STARD13: variants seen among roughly 807,000 people sequenced by gnomAD.
STARD13 encodes stAR-related lipid transfer protein 13.
Under a neutral mutation model 106.4 loss-of-function variants are expected in STARD13, and 62 were observed. The observed-to-expected ratio is 0.58, with a 90% CI of 0.48 to 0.72. The LOEUF is 0.72. Ranked by LOEUF, STARD13 falls within the 30% of genes least tolerant of loss-of-function variation. The pLI, the probability that STARD13 is intolerant of heterozygous loss-of-function variation, is 0.00. For synonymous variants in STARD13, 565 were observed against 553.0 expected (o/e 1.02, Z -0.31); for missense variants, 1,387 against 1,424.0 (o/e 0.97, Z 0.42).
chr13:33,214,828 C>T (rs923252938), intron 1 of STARD13, among the ~76,000 whole-genome samples: 3 of 152,004 alleles, frequency 2.0e-5, no homozygotes, highest in Non-Finnish European at 2.9e-5. Flanking sequence ...CAAAACACCA[C>T]AGACATTGTG....
chr13:33,374,827 C>G, the STARD13 span, among the ~76,000 whole-genome samples: 1 of 152,032 alleles, frequency 6.6e-6, no homozygotes, highest in Non-Finnish European at 1.5e-5. Flanking sequence ...GTTTGTCAAA[C>G]TTTAGTCTTT....
intron 1 of STARD13, among the ~76,000 whole-genome samples, chr13:33,168,660 C>T (rs77671444): frequency 0.042 from 6,448 of 152,224 alleles, 188 homozygotes; most frequent in South Asian, 0.088. Context: ...TACTATGATG[C>T]TAATTTTTCC....
chr13:33,112,796 G>A lies in STARD13; in HGVS notation c.2417C>T (p.Thr806Met), dbSNP rs1391217095. The A allele has an allele frequency of 6.8e-6, 11 of 1,613,768 alleles. No individual in the cohort carries two copies. The highest frequency in any genetic ancestry group is 1.7e-5 in the Admixed American group (1 of 59,976). Residue 806 changes from threonine (T) to methionine (M), a missense_variant, in exon 9 of 14, where the codon ACG (threonine) becomes ATG (methionine). By Grantham distance (81) the Thr-to-Met change is moderately conservative. Coordinates refer to ENST00000336934, the MANE Select transcript of STARD13 (RefSeq NM_178006.4). ...CAGACACACTGCCAGGTTCATGGGCGTCATCTGATTCTCTTCCACCAAGTT... is the reference window on the plus strand; with the variant it reads ...CAGACACACTGCCAGGTTCATGGGCATCATCTGATTCTCTTCCACCAAGTT... ...VVNLVEENQMTPMNLAVCLAP... is the reference protein window; with the variant it reads ...VVNLVEENQMMPMNLAVCLAP...
chr13:33,274,582 A>G (rs1300144436), intron 1 of STARD13, among the ~76,000 whole-genome samples: 1 of 152,174 alleles, frequency 6.6e-6, no homozygotes, highest in Non-Finnish European at 1.5e-5. Flanking sequence ...TGACGAATGT[A>G]GCACTAGCCT....
chr13:33,126,385 A>C, intron 6 of STARD13, 145 bp from the exon 7 acceptor site: 2 of 792,834 alleles, frequency 2.5e-6, no homozygotes, highest in Non-Finnish European at 4.2e-6. Context: ...TGCATTAATC[A>C]CAGGACACTG....
the STARD13 span, among the ~76,000 whole-genome samples, chr13:33,528,722 T>C: frequency 6.6e-6 from 1 of 152,182 alleles, no homozygotes; most frequent in South Asian, 2.1e-4. Flanking sequence ...TTCCAGTTTT[T>C]CATACTTCCT....
intron 1 of STARD13, among the ~76,000 whole-genome samples, chr13:33,244,522 G>A (rs931810127): frequency 2.0e-5 from 3 of 151,984 alleles, no homozygotes; most frequent in Admixed American, 6.6e-5. Context: ...ATCAAGAAGA[G>A]CCCTCAAATC....
At chr13:33,375,978 A>G in the STARD13 span, among the ~76,000 whole-genome samples, 4 of 152,180 alleles carry the variant, frequency 2.6e-5, no homozygotes, top group Non-Finnish European at 5.9e-5. Flanking sequence ...TTTTGACCAC[A>G]TTACTTAATG....
At chr13:33,179,861 C>T (rs1885056885) in intron 1 of STARD13, among the ~76,000 whole-genome samples, 1 of 152,174 alleles carries the variant, frequency 6.6e-6, no homozygotes, top group Non-Finnish European at 1.5e-5. Flanking sequence ...AGAAGGTTAG[C>T]CACATGGTTC....
the STARD13 span, among the ~76,000 whole-genome samples, chr13:33,371,812 T>G: frequency 1.3e-5 from 2 of 152,240 alleles, no homozygotes; most frequent in Non-Finnish European, 2.9e-5. Context: ...ATTTTTCAAT[T>G]CAAGGTTTTT....
chr13:33,551,753 CA>C, the STARD13 span, among the ~76,000 whole-genome samples: 1 of 151,652 alleles, frequency 6.6e-6, no homozygotes, highest in East Asian at 1.9e-4. Flanking sequence ...TGCCCACCAC[CA>C]TACTGGCTCA....
chr13:33,613,196 T>C, the STARD13 span, among the ~76,000 whole-genome samples: 1 of 152,208 alleles, frequency 6.6e-6, no homozygotes, highest in Admixed American at 6.5e-5. Flanking sequence ...TTTTCACATA[T>C]ATCACAACAC....
intron 1 of STARD13, among the ~76,000 whole-genome samples, chr13:33,271,059 C>T (rs550271633): frequency 5.9e-5 from 9 of 152,290 alleles, no homozygotes; most frequent in South Asian, 4.1e-4. Flanking sequence ...TTGCTTCTGG[C>T]AAAATTTCAC....
chr13:33,194,940 A>G (rs1166179123), intron 1 of STARD13, among the ~76,000 whole-genome samples: 1 of 152,256 alleles, frequency 6.6e-6, no homozygotes, highest in African/African-American at 2.4e-5. Context: ...GTGAACAGCA[A>G]TCTTGCAGTG....
intron 8 of STARD13, chr13:33,113,168 G>C: frequency 1.9e-6 from 1 of 520,650 alleles, no homozygotes; most frequent in Non-Finnish European, 3.4e-6. Context: ...CCACGCTCTC[G>C]ATGGCCAAGC....
intron 1 of STARD13, among the ~76,000 whole-genome samples, chr13:33,204,357 G>T (rs942040286): frequency 4.6e-5 from 7 of 152,198 alleles, no homozygotes; most frequent in African/African-American, 1.7e-4. Flanking sequence ...AGGTTGCACA[G>T]AGTGTACAAA....
the STARD13 span, among the ~76,000 whole-genome samples, chr13:33,356,580 A>G: frequency 6.6e-6 from 1 of 152,220 alleles, no homozygotes; most frequent in Non-Finnish European, 1.5e-5. Flanking sequence ...CCTCAGCCTC[A>G]GCATCTATAA....
downstream of STARD13, among the ~76,000 whole-genome samples, chr13:33,344,527 T>G (rs932400349): frequency 6.6e-6 from 1 of 152,230 alleles, no homozygotes; most frequent in Non-Finnish European, 1.5e-5. Flanking sequence ...GGCTCATGTT[T>G]TATTCTTGAT....
At chr13:33,460,292 C>T in the STARD13 span, among the ~76,000 whole-genome samples, 1 of 151,732 alleles carries the variant, frequency 6.6e-6, no homozygotes, top group South Asian at 2.1e-4. Context: ...TGGAGACCAT[C>T]CTGGCCAACA....
Sources: gnomAD v4.1 joint callset for allele counts (sites outside exome capture counted in the v4.1 genomes callset) on GRCh38, gnomAD v4.1.1 for gene constraint, MANE v1.5 for transcripts, NCBI Gene and HGNC (gene_info 2026-07-23, HGNC 2026-07-21) for gene names.